FNDC3B: variants seen among roughly 807,000 people sequenced by gnomAD.
The protein encoded by FNDC3B is fibronectin type III domain-containing protein 3B.
Under a neutral mutation model 151.5 loss-of-function variants are expected in FNDC3B, and 12 were observed. That is an observed-to-expected ratio of 0.08 (90% CI 0.05 to 0.13). The LOEUF (loss-of-function observed/expected upper bound fraction) is 0.13. Among genes scored for constraint, FNDC3B ranks in the 10% least tolerant of loss-of-function variants. FNDC3B has a pLI of 1.00. For synonymous variants in FNDC3B, 528 were observed against 549.0 expected (o/e 0.96, Z 0.54); for missense variants, 1,214 against 1,505.3 (o/e 0.81, Z 3.20).
chr3:172,169,959 A>G (rs1039703050), intron 3 of FNDC3B, among the ~76,000 whole-genome samples: 1 of 152,214 alleles, frequency 6.6e-6, no homozygotes, highest in African/African-American at 2.4e-5. Context: ...CAACATATCA[A>G]TTTAAGCCAC....
chr3:172,179,774 T>G (rs1258714568), intron 3 of FNDC3B, among the ~76,000 whole-genome samples: 1 of 149,098 alleles, frequency 6.7e-6, no homozygotes, highest in South Asian at 2.1e-4. Flanking sequence ...ACTGAGCTAC[T>G]TGGGATGCTG....
intron 6 of FNDC3B, among the ~76,000 whole-genome samples, chr3:172,260,177 G>A (rs1209994188): frequency 2.0e-5 from 3 of 152,198 alleles, no homozygotes; most frequent in Non-Finnish European, 4.4e-5. Flanking sequence ...GATATGGTTT[G>A]TTTCTGGTAT....
At chr3:172,346,264 C>G in intron 19 of FNDC3B, 63 bp from the exon 20 acceptor site, 2 of 901,566 alleles carry the variant, frequency 2.2e-6, no homozygotes, top group Non-Finnish European at 3.5e-6. Flanking sequence ...TTTGTATGCA[C>G]ACACATTCAC....
chr3:172,249,926 C>T (rs988736034), intron 5 of FNDC3B, among the ~76,000 whole-genome samples: 17 of 152,128 alleles, frequency 1.1e-4, no homozygotes, highest in African/African-American at 4.1e-4. Context: ...TCTGTTGTGC[C>T]TGTGACAGTC....
At position 172,042,079 on chromosome 3, in the gene FNDC3B, TA is replaced by T. The variant is rs77399297; in HGVS notation, c.-29+2316del. ...TGTTGTGGTTTAAATTACTTTAAGA[TA>T]AAAAAAATTCATCTGTAAGGATAGC... On this transcript the variant is annotated intron_variant, in intron 1 of 25. Coordinates refer to ENST00000415807, the MANE Select transcript of FNDC3B (RefSeq NM_022763.4). Among the ~76,000 whole-genome samples, 87 of 152,054 alleles carry T rather than the reference TA, an allele frequency of 5.7e-4. 1 individual carries two copies. The highest frequency in any genetic ancestry group is 3.4e-3 in the Middle Eastern group (1 of 294).
intron 3 of FNDC3B, among the ~76,000 whole-genome samples, chr3:172,205,106 G>C (rs2108696941): frequency 6.6e-6 from 1 of 152,280 alleles, no homozygotes; most frequent in South Asian, 2.1e-4. Flanking sequence ...GTATTTATTT[G>C]CCTACCTGTA....
chr3:172,049,574 G>T (rs1307918316), intron 1 of FNDC3B, among the ~76,000 whole-genome samples: 1 of 151,966 alleles, frequency 6.6e-6, no homozygotes, highest in Non-Finnish European at 1.5e-5. Context: ...ATTGTCCAGG[G>T]TGGAGTGCAA....
intron 7 of FNDC3B, among the ~76,000 whole-genome samples, chr3:172,286,689 C>A (rs1012723734): frequency 6.6e-6 from 1 of 152,176 alleles, no homozygotes; most frequent in African/African-American, 2.4e-5. Flanking sequence ...TGTTGAAGGA[C>A]AGGCATAATA....
chr3:172,193,852 G>T (rs950013926), intron 3 of FNDC3B, among the ~76,000 whole-genome samples: 1 of 152,176 alleles, frequency 6.6e-6, no homozygotes, highest in African/African-American at 2.4e-5. Flanking sequence ...TGTTCACACT[G>T]AAGGGTGAAT....
intron 11 of FNDC3B, among the ~76,000 whole-genome samples, chr3:172,317,022 C>G (rs535304918): frequency 6.6e-6 from 1 of 152,138 alleles, no homozygotes; most frequent in Non-Finnish European, 1.5e-5. Context: ...GAACCAAACT[C>G]GTCTTTTTAT....
In FNDC3B at chr3:172,385,489, A is replaced by G. The variant is rs987598393; in HGVS notation, c.3303+4396A>G. Among the ~76,000 whole-genome samples the G allele has an allele frequency of 1.1e-4, 17 of 152,196 alleles. 1 individual carries two copies. Among genetic ancestry groups the G allele is most frequent in the African/African-American group, 2.4e-5 (1 of 41,460 alleles). ...GTTATTTATACCTGCAGTGGTGACA[A>G]GAGTAAACTTCAGCATAGAAAGAAA... On this transcript the variant is annotated intron_variant, in intron 25 of 25. Coordinates refer to ENST00000415807, the MANE Select transcript of FNDC3B (RefSeq NM_022763.4).
At chr3:172,102,070 C>T (rs181431528) in intron 1 of FNDC3B, among the ~76,000 whole-genome samples, 49 of 152,250 alleles carry the variant, frequency 3.2e-4, no homozygotes, top group Non-Finnish European at 5.0e-4. Flanking sequence ...GTCTTTAAAA[C>T]TCACTAACCT....
intron 5 of FNDC3B, among the ~76,000 whole-genome samples, chr3:172,248,792 A>T (rs1560039374): frequency 6.7e-6 from 1 of 149,932 alleles, no homozygotes; most frequent in Non-Finnish European, 1.5e-5. Context: ...CACAGAAAAA[A>T]CTTTTTTGAG....
At chr3:172,373,057 C>G (rs1180827989) in intron 23 of FNDC3B, among the ~76,000 whole-genome samples, 1 of 152,138 alleles carries the variant, frequency 6.6e-6, no homozygotes, top group Non-Finnish European at 1.5e-5. Flanking sequence ...AAGGATGGTC[C>G]AGTCCTTCTC....
At chr3:172,338,782 G>A (rs940012688) in intron 16 of FNDC3B, among the ~76,000 whole-genome samples, 4 of 152,110 alleles carry the variant, frequency 2.6e-5, no homozygotes, top group South Asian at 4.1e-4. Flanking sequence ...TCGCCCAGGC[G>A]ACAGAGTGCA....
intron 25 of FNDC3B, among the ~76,000 whole-genome samples, chr3:172,382,647 AG>A (rs768027084): frequency 2.0e-5 from 3 of 152,130 alleles, no homozygotes; most frequent in Admixed American, 6.5e-5. Context: ...TTTTTGTATA[AG>A]GGGTAAGGAA....
At chr3:172,332,022 G>A (rs1337754211) in intron 13 of FNDC3B, among the ~76,000 whole-genome samples, 2 of 152,178 alleles carry the variant, frequency 1.3e-5, no homozygotes, top group Non-Finnish European at 2.9e-5. Context: ...CCAGGCTGGA[G>A]TGCGGTGGTG....
At chr3:172,363,903 T>C (rs1490176513) in intron 23 of FNDC3B, among the ~76,000 whole-genome samples, 1 of 151,990 alleles carries the variant, frequency 6.6e-6, no homozygotes, top group Non-Finnish European at 1.5e-5. Flanking sequence ...GAGGAAAAAA[T>C]TGCTTTGGGA....
At chr3:172,188,721 T>TA (rs964610122) in intron 3 of FNDC3B, among the ~76,000 whole-genome samples, 4 of 152,152 alleles carry the variant, frequency 2.6e-5, no homozygotes, top group Admixed American at 6.5e-5. Flanking sequence ...TGAAGTTGTT[T>TA]AATTGAGAAG....
Sources: gnomAD v4.1 joint callset for allele counts (sites outside exome capture counted in the v4.1 genomes callset) on GRCh38, gnomAD v4.1.1 for gene constraint, MANE v1.5 for transcripts, NCBI Gene and HGNC (gene_info 2026-07-23, HGNC 2026-07-21) for gene names.